ATG4C: variants seen among roughly 807,000 people sequenced by gnomAD.
ATG4C encodes cysteine protease ATG4C.
ATG4C carries 56 observed loss-of-function variants against 57.6 expected under a neutral mutation model. The ratio of observed to expected loss-of-function variants is 0.97; its 90% CI spans 0.78 to 1.21. The LOEUF (loss-of-function observed/expected upper bound fraction) is 1.21. Ranked by LOEUF, ATG4C falls within the 50% of genes most tolerant of loss-of-function variation. The pLI is 0.00. For missense variants in ATG4C, 595 were observed against 529.8 expected, an observed-to-expected ratio of 1.12 and a Z score of -1.21; for synonymous variants, 157 against 174.1, an observed-to-expected ratio of 0.90 and a Z score of 0.78.
intron 3 of ATG4C, among the ~76,000 whole-genome samples, chr1:62,812,992 AC>A (rs1665137499): frequency 1.3e-5 from 2 of 152,196 alleles, no homozygotes; most frequent in African/African-American, 2.4e-5. Flanking sequence ...AAATGGAAAA[AC>A]ATTCCATGCT....
chr1:62,789,339 G>T (rs1664193745), intron 1 of ATG4C, among the ~76,000 whole-genome samples: 1 of 152,118 alleles, frequency 6.6e-6, no homozygotes, highest in East Asian at 1.9e-4. Flanking sequence ...GTCAGTAGTA[G>T]ATCCTTCAAG....
At chr1:62,792,467 T>C (rs1664310200) in intron 1 of ATG4C, among the ~76,000 whole-genome samples, 1 of 152,172 alleles carries the variant, frequency 6.6e-6, no homozygotes, top group African/African-American at 2.4e-5. Context: ...GGCTCTCCAA[T>C]GGAAGGATTA....
At chr1:62,809,025 C>CT (rs1664976540) in intron 3 of ATG4C, among the ~76,000 whole-genome samples, 1 of 152,116 alleles carries the variant, frequency 6.6e-6, no homozygotes, top group Non-Finnish European at 1.5e-5. Context: ...CTTGACCTCC[C>CT]TGGGCTCAAA....
Position 62,864,615 on chromosome 1 carries a change from T to C in ATG4C, c.*456T>C, listed in dbSNP as rs1666952464. On this transcript the variant is annotated 3_prime_UTR_variant, in exon 11 of 11. Transcript: ENST00000317868. Reference sequence around the variant, plus strand: ...TCCTGCTATTAATGCAATCAAAGAATACTTTTGCATATGTCTTGATAATTA... The same window carrying C: ...TCCTGCTATTAATGCAATCAAAGAACACTTTTGCATATGTCTTGATAATTA... The C allele has an allele frequency of 1.3e-5, 2 of 155,754 alleles. No individual in the cohort carries two copies. Among genetic ancestry groups the C allele is most frequent in the Non-Finnish European group, 2.8e-5 (2 of 70,774 alleles). The allele number at this position is 155,754 out of a possible 1,614,324, so 9.6% of individuals were successfully genotyped here.
intron 3 of ATG4C, among the ~76,000 whole-genome samples, chr1:62,814,556 C>T (rs1329726453): frequency 6.6e-6 from 1 of 152,102 alleles, no homozygotes; most frequent in East Asian, 1.9e-4. Flanking sequence ...AACAAACCTG[C>T]ATGTTTTGCA....
intron 10 of ATG4C, among the ~76,000 whole-genome samples, chr1:62,861,310 C>G (rs749732117): frequency 4.6e-5 from 7 of 152,002 alleles, no homozygotes; most frequent in Non-Finnish European, 5.9e-5. Context: ...CTTTGGGAGG[C>G]AGAGGCGGGC....
At chr1:62,805,771 G>A (rs542835794) in intron 3 of ATG4C, among the ~76,000 whole-genome samples, 1 of 152,230 alleles carries the variant, frequency 6.6e-6, no homozygotes, top group African/African-American at 2.4e-5. Context: ...AAACCTACAA[G>A]GTAGATTCAG....
chr1:62,819,229 TC>T lies in ATG4C; in HGVS notation c.624del (p.Leu209TrpfsTer9), dbSNP rs780500162. 1 of 1,613,588 alleles carries T rather than the reference TC, an allele frequency of 6.2e-7. No individual in the cohort carries two copies. The highest frequency in any genetic ancestry group is 2.2e-5 in the East Asian group (1 of 44,842). ...GAAAATCATCTCTTGGTTTGGTGAT[TC>T]CCCCTTGGCTCTTTTTGGCTTACAT... ...HRKIISWFGD[S>X]PLALFGLHQL... On this transcript the variant is annotated frameshift_variant, in exon 5 of 11. Transcript: ENST00000317868. LOFTEE classifies it high-confidence loss of function.
chr1:62,834,202 TTAAC>T (rs1665927385), intron 8 of ATG4C, 86 bp downstream of exon 8: 2 of 1,279,320 alleles, frequency 1.6e-6, no homozygotes, highest in African/African-American at 1.5e-5. Flanking sequence ...AACAGGATGA[TTAAC>T]AGAGCAAAAC....
chr1:62,813,836 T>C (rs188946519), intron 3 of ATG4C, among the ~76,000 whole-genome samples: 2 of 152,208 alleles, frequency 1.3e-5, no homozygotes, highest in East Asian at 3.9e-4. Flanking sequence ...CCAACAAATA[T>C]ATGGAAAAAG....
intron 7 of ATG4C, among the ~76,000 whole-genome samples, chr1:62,829,944 G>A (rs993953710): frequency 1.3e-5 from 2 of 152,046 alleles, no homozygotes; most frequent in Non-Finnish European, 2.9e-5. Flanking sequence ...ATATAGTAAT[G>A]TTGAAATAAA....
intron 6 of ATG4C, among the ~76,000 whole-genome samples, chr1:62,823,407 A>G (rs1402871658): frequency 2.0e-5 from 3 of 152,264 alleles, no homozygotes; most frequent in Non-Finnish European, 4.4e-5. Flanking sequence ...CTTATATTAT[A>G]TTTAGTCAGT....
At chr1:62,818,014 T>G (rs1408570397) in intron 4 of ATG4C, among the ~76,000 whole-genome samples, 5 of 152,134 alleles carry the variant, frequency 3.3e-5, no homozygotes, top group Admixed American at 3.3e-4. Context: ...TATAGTCTTG[T>G]GCAGTCATGG....
chr1:62,806,595 G>A (rs187170589), intron 3 of ATG4C, among the ~76,000 whole-genome samples: 12 of 152,134 alleles, frequency 7.9e-5, no homozygotes, highest in African/African-American at 2.9e-4. Context: ...ATGAATGAGG[G>A]AAATAGAAGA....
intron 4 of ATG4C, among the ~76,000 whole-genome samples, chr1:62,817,382 G>A (rs1269119461): frequency 6.6e-6 from 1 of 152,140 alleles, no homozygotes; most frequent in East Asian, 1.9e-4. Flanking sequence ...GTCTCACTCT[G>A]TTGCTCAGGC....
At chr1:62,789,796 G>A (rs1215171038) in intron 1 of ATG4C, among the ~76,000 whole-genome samples, 1 of 152,088 alleles carries the variant, frequency 6.6e-6, no homozygotes, top group African/African-American at 2.4e-5. Context: ...CAGCCTGGGC[G>A]ACAGAGCGAG....
intron 1 of ATG4C, among the ~76,000 whole-genome samples, chr1:62,796,745 A>G (rs1174982040): frequency 3.3e-5 from 5 of 152,204 alleles, no homozygotes; most frequent in African/African-American, 1.2e-4. Flanking sequence ...AAGATGCTCA[A>G]TGTGAACAAT....
intron 8 of ATG4C, 49 bp downstream of exon 8, chr1:62,834,165 C>T: frequency 6.4e-7 from 1 of 1,551,786 alleles, no homozygotes; most frequent in Non-Finnish European, 8.9e-7. Context: ...TTTTAAAAGT[C>T]AGAAAGTTAA....
intron 6 of ATG4C, among the ~76,000 whole-genome samples, chr1:62,822,926 C>T (rs1192283387): frequency 2.6e-5 from 4 of 152,160 alleles, no homozygotes; most frequent in African/African-American, 4.8e-5. Context: ...AGGCCGAGGT[C>T]GGGGGATCAC....
Sources: gnomAD v4.1 joint callset for allele counts (sites outside exome capture counted in the v4.1 genomes callset) on GRCh38, gnomAD v4.1.1 for gene constraint, MANE v1.5 for transcripts, NCBI Gene and HGNC (gene_info 2026-07-23, HGNC 2026-07-21) for gene names.